Variants in NACA observed in about 807,000 individuals in gnomAD.
NACA encodes nascent polypeptide associated complex subunit alpha.
In NACA, 42 loss-of-function variants were observed where a neutral mutation model predicts 86.4. That is an observed-to-expected ratio of 0.49 (90% CI 0.38 to 0.63). NACA has a LOEUF of 0.63. NACA is among the 20% of genes least tolerant of loss of function. The probability of loss-of-function intolerance (pLI) is 0.00; values close to 1 mark genes in which losing one functional copy is unlikely to be tolerated. For synonymous variants in NACA, 898 were observed against 973.7 expected (o/e 0.92, Z 1.45); for missense variants, 2,157 against 2,483.6 (o/e 0.87, Z 2.80).
Position 56,719,886 on chromosome 12 carries a change from T to G in NACA, c.1644A>C (p.Gln548His). The change falls in exon 3 of 9, where the codon CAA (glutamine) becomes CAC (histidine). Residue 548 changes from glutamine to histidine, a missense_variant. Coordinates refer to ENST00000454682, the MANE Select transcript of NACA (RefSeq NM_001365896.1). ...SLEGAPFSPA[Q>H]AGLTTKKDPT... ...GGTCTTTCTTGGTGGTGAGTCCTGC[T>G]TGGGCTGGAGAGAAAGGGGCTCCTT... The G allele has an allele frequency of 6.2e-7, 1 of 1,613,794 alleles. No homozygotes were observed. Among genetic ancestry groups the G allele is most frequent in the Middle Eastern group, 1.6e-4 (1 of 6,062 alleles).
At chr12:56,715,802 T>C (rs1953338082) in intron 3 of NACA, 69 bp downstream of exon 3, 2 of 1,366,174 alleles carry the variant, frequency 1.5e-6, no homozygotes, top group Non-Finnish European at 2.0e-6. Context: ...GGGTTAGTAT[T>C]GGTGGGTAGC....
Position 56,719,801 on chromosome 12 carries a change from A to G in NACA, c.1729T>C (p.Ser577Pro). ...GAAAGAGGTATCTCTGGAGAAGAGGATGTACTTTGGAAAGAAGGGGAATTT... is the reference window on the plus strand; with the variant it reads ...GAAAGAGGTATCTCTGGAGAAGAGGGTGTACTTTGGAAAGAAGGGGAATTT... ...PKNSPSFQST[S>P]SSPEIPLSPE... is the part of the protein sequence containing the mutation. The change falls in exon 3 of 9, where the codon TCC becomes CCC. Residue 577 changes from serine (S) to proline (P), a missense_variant. Around this residue, in one of 8 missense-constraint regions of NACA, gnomAD observed 947 missense variants for 917.9 expected, o/e 1.03. Transcript: ENST00000454682. 6.2e-7 allele frequency: 1 copy of G among 1,613,322 alleles called. No homozygotes were observed. The highest frequency in any genetic ancestry group is 1.3e-5 in the African/African-American group (1 of 74,780).
In NACA at chr12:56,716,937, C is replaced by T. The variant is rs546721072; in HGVS notation, c.4593G>A (p.Ala1531=). Residue 1531 remains alanine (A), a synonymous_variant, in exon 3 of 9, where the codon GCG becomes GCA. Transcript: ENST00000454682. ...CTGGGGTCTTTTTAGAGAGAAGAGTCGCTGTTGGGGCAATGGGGTCCCTTC... is the reference window on the plus strand; with the variant it reads ...CTGGGGTCTTTTTAGAGAGAAGAGTTGCTGTTGGGGCAATGGGGTCCCTTC... ...SSRRDPIAPT[A]TLLSKKTPAT... is the part of the protein sequence containing the mutation. 7.0e-5 allele frequency: 91 copies of T among 1,291,272 alleles called. 1 individual carries two copies. The South Asian group carries it at 1.3e-3, about 18-fold the overall frequency. 80.0% of individuals were successfully genotyped at this position (1,291,272 alleles called of 1,614,324 possible).
At chr12:56,724,733 C>T in intron 1 of NACA, 1 of 555,000 alleles carries the variant, frequency 1.8e-6, no homozygotes. Context: ...ATTCCCACTG[C>T]ATTCTCAACC....
intron 2 of NACA, among the ~76,000 whole-genome samples, chr12:56,722,902 A>G (rs372706535): frequency 4.7e-5 from 7 of 147,436 alleles, no homozygotes; most frequent in African/African-American, 1.2e-4. Flanking sequence ...GGCGGGGGGG[A>G]AGCCCGTGGT....
chr12:56,721,596 G>T, intron 2 of NACA, 137 bp from the exon 3 acceptor site: 1 of 562,780 alleles, frequency 1.8e-6, no homozygotes, highest in Non-Finnish European at 3.0e-6. Context: ...CACCACGCAG[G>T]ATTAGATAAA....
rs548942275 is a variant in NACA at position 56,718,960 on chromosome 12, G to A, written c.2570C>T (p.Thr857Ile). The change falls in exon 3 of 9, where the codon ACT (threonine) becomes ATT (isoleucine). Residue 857 changes from threonine (T) to isoleucine (I), a missense_variant. Thr to Ile is a moderately conservative substitution (Grantham distance 89, BLOSUM62 -1). Transcript: ENST00000454682. ...AGGGGCCCCTTTGGGGGATGGAGGA[G>A]TGGGAGAATGCGTCGTGGCTGGTGA... ...KDSPATTHSPTPPSPKGAPTP... is the reference protein window; with the variant it reads ...KDSPATTHSPIPPSPKGAPTP... 15 of 1,447,216 alleles carry A rather than the reference G, an allele frequency of 1.0e-5. No homozygotes were observed. Among genetic ancestry groups the A allele is most frequent in the African/African-American group, 1.4e-5 (1 of 71,582 alleles). 89.6% of individuals were successfully genotyped at this position (1,447,216 alleles called of 1,614,324 possible). A position where few individuals can be genotyped will look rare whatever the true frequency, so the allele number is the denominator to read the frequency against.
chr12:56,721,128 T>C lies in NACA; in HGVS notation c.402A>G (p.Ser134=), dbSNP rs1339921094. The C allele has an allele frequency of 6.2e-7, 1 of 1,613,706 alleles. No homozygotes were observed. The highest frequency in any genetic ancestry group is 1.7e-5 in the Admixed American group (1 of 59,980). ...CCAGGGCAACCAGAGCTAAGGGAGC[T>C]GAAGAGGAAGGGGTCCCTTTCAGAG... ...APTLKGTPSS[S]APLALVALAP... The change falls in exon 3 of 9, where the codon TCA becomes TCG. Residue 134 remains serine, a synonymous_variant. Coordinates refer to ENST00000454682, the MANE Select transcript of NACA (RefSeq NM_001365896.1).
chr12:56,717,019 G>A lies in NACA; in HGVS notation c.4511C>T (p.Thr1504Ile). The A allele has an allele frequency of 7.8e-7, 1 of 1,281,562 alleles. No individual in the cohort carries two copies. The highest frequency in any genetic ancestry group is 3.1e-5 in the Admixed American group (1 of 31,916). 79.4% of individuals were successfully genotyped at this position (1,281,562 alleles called of 1,614,324 possible). A position where few individuals can be genotyped will look rare whatever the true frequency, so the allele number is the denominator to read the frequency against. Residue 1504 changes from threonine (T) to isoleucine (I), a missense_variant, in exon 3 of 9, where the codon ACT becomes ATT. Around this residue, in one of 8 missense-constraint regions of NACA, gnomAD observed 797 missense variants for 777.6 expected, o/e 1.02. Coordinates refer to ENST00000454682, the MANE Select transcript of NACA (RefSeq NM_001365896.1). ...GGAAGAAGGAATCACAGCTGGCAGA[G>A]TGGGGGCCCCCATGGGGGCTGGAGT... is the stretch of plus-strand genomic sequence containing the variant. ...PATPAPMGAP[T>I]LPAVIPSSPK... is the part of the protein sequence containing the mutation.
Position 56,713,662 on chromosome 12 carries a change from G to A in NACA, c.5845C>T (p.Arg1949Trp), listed in dbSNP as rs1565891491. Residue 1949 changes from arginine to tryptophan, a missense_variant, in exon 6 of 9, where the codon CGG (arginine) becomes TGG (tryptophan). Arg to Trp is a moderately radical substitution (Grantham distance 101). Transcript: ENST00000454682. ...ARKAMSKLGL[R>W]QVTGVTRVTI... ...ACTCTAGTAACTCCTGTAACCTGCC[G>A]AAGACCCAGTTTGGACATAGCCTAA... The A allele has an allele frequency of 3.7e-6, 6 of 1,613,904 alleles. No homozygotes were observed. Among genetic ancestry groups the A allele is most frequent in the African/African-American group, 2.7e-5 (2 of 74,894 alleles).
Position 56,716,320 on chromosome 12 carries a change from G to A in NACA, c.5210C>T (p.Pro1737Leu), listed in dbSNP as rs1953359290. Residue 1737 changes from proline (P) to leucine (L), a missense_variant, in exon 3 of 9, where the codon CCT (proline) becomes CTT (leucine). By Grantham distance (98) the Pro-to-Leu change is moderately conservative. Coordinates refer to ENST00000454682, the MANE Select transcript of NACA (RefSeq NM_001365896.1). ...KGPLSTVAPA[P>L]LLPVQKDSSK... ...AGAGTCTTTCTGAACAGGGAGTAGA[G>A]GGGCTGGAGCCACTGTGGAAAGGGG... is the stretch of plus-strand genomic sequence containing the variant. The A allele has an allele frequency of 6.2e-7, 1 of 1,612,762 alleles. No homozygotes were observed. Among genetic ancestry groups the A allele is most frequent in the African/African-American group, 1.3e-5 (1 of 74,918 alleles).
Position 56,717,050 on chromosome 12 carries a change from G to C in NACA, c.4480C>G (p.Pro1494Ala), listed in dbSNP as rs773156145. Reference protein sequence around the residue: ...VATSSSPKKAPATPAPMGAPT... With the variant: ...VATSSSPKKAAATPAPMGAPT... ...GCCCCCATGGGGGCTGGAGTTGCTG[G>C]GGCCTTTTTGGGAGAGGAAGAAGTG... The change falls in exon 3 of 9, where the codon CCA becomes GCA. Residue 1494 changes from proline to alanine, a missense_variant. Around this residue, in one of 8 missense-constraint regions of NACA, gnomAD observed 797 missense variants for 777.6 expected, o/e 1.02. Coordinates refer to ENST00000454682, the MANE Select transcript of NACA (RefSeq NM_001365896.1). 4 of 1,275,048 alleles carry C rather than the reference G, an allele frequency of 3.1e-6. No individual in the cohort carries two copies. The highest frequency in any genetic ancestry group is 7.6e-5 in the East Asian group (2 of 26,204). 79.0% of individuals were successfully genotyped at this position (1,275,048 alleles called of 1,614,324 possible).
chr12:56,712,449 A>G lies in NACA; in HGVS notation c.*89T>C, dbSNP rs567786563. The G allele has an allele frequency of 3.1e-5, 42 of 1,376,428 alleles. No individual in the cohort carries two copies. Among genetic ancestry groups the G allele is most frequent in the Non-Finnish European group, 4.0e-5 (39 of 982,098 alleles). 85.3% of individuals were successfully genotyped at this position (1,376,428 alleles called of 1,614,324 possible). A position where few individuals can be genotyped will look rare whatever the true frequency, so the allele number is the denominator to read the frequency against. The stretch of plus-strand genomic sequence containing the variant: ...GACTGAATTCATCCAACAAGAAGCC[A>G]TAACTTTATTTATGATAGAAACAGT... On this transcript the variant is annotated 3_prime_UTR_variant, in exon 9 of 9. Transcript: ENST00000454682.
chr12:56,713,842 CTTTATTT>C (rs746709271), intron 5 of NACA, 159 bp from the exon 6 acceptor site: 43 of 763,710 alleles, frequency 5.6e-5, no homozygotes, highest in East Asian at 5.4e-4. Context: ...ACTTCTGTTA[CTTTATTT>C]TTTATTTTTT....
At chr12:56,724,878 G>T in intron 1 of NACA, 1 of 252,768 alleles carries the variant, frequency 4.0e-6, no homozygotes, top group Non-Finnish European at 7.7e-6. Context: ...GGGGTACCAG[G>T]AGGGGAAAGA....
chr12:56,713,462 T>TC, intron 6 of NACA, 75 bp downstream of exon 6: 1 of 1,539,500 alleles, frequency 6.5e-7, no homozygotes, highest in Non-Finnish European at 8.9e-7. Context: ...CAGAGAACTA[T>TC]CTGACGCAAA....
intron 2 of NACA, 29 bp downstream of exon 2, chr12:56,724,423 T>C (rs750306017): frequency 1.9e-6 from 3 of 1,591,410 alleles, no homozygotes; most frequent in Non-Finnish European, 2.6e-6. Context: ...TTAATTTTAA[T>C]TAATGGCAAG....
chr12:56,720,361 CTAGAGATGG>C lies in NACA; in HGVS notation c.1160_1168del (p.Thr387_Ser389del). The stretch of plus-strand genomic sequence containing the variant: ...GGAGCCAGAAGGGCTGCAGGTTATG[CTAGAGATGG>C]TAGAGGGACCTTTGTCAACAGATGG... On this transcript the variant is annotated inframe_deletion, in exon 3 of 9. Transcript: ENST00000454682. 1 of 1,613,722 alleles carries C rather than the reference CTAGAGATGG, an allele frequency of 6.2e-7. No individual in the cohort carries two copies. Among genetic ancestry groups the C allele is most frequent in the Non-Finnish European group, 8.5e-7 (1 of 1,179,790 alleles).
In NACA at chr12:56,717,220, G is replaced by T; in HGVS notation, c.4310C>A (p.Ala1437Glu). Residue 1437 changes from alanine (A) to glutamate (E), a missense_variant, in exon 3 of 9, where the codon GCA (alanine) becomes GAA (glutamate). Physicochemically the swap from Ala to Glu is moderately radical, Grantham distance 107. Around this residue, in one of 8 missense-constraint regions of NACA, gnomAD observed 797 missense variants for 777.6 expected, o/e 1.02. Coordinates refer to ENST00000454682, the MANE Select transcript of NACA (RefSeq NM_001365896.1). ...TPSKGDLTPPAVTPVSLKKAP... is the reference protein window; with the variant it reads ...TPSKGDLTPPEVTPVSLKKAP... ...CTTTTTGAGGGAGACAGGAGTCACT[G>T]CTGGGGGAGTGAGATCTCCTTTGGA... 7.6e-7 allele frequency: 1 copy of T among 1,318,470 alleles called. No individual in the cohort carries two copies. The highest frequency in any genetic ancestry group is 9.9e-7 in the Non-Finnish European group (1 of 1,012,026). 81.7% of individuals were successfully genotyped at this position (1,318,470 alleles called of 1,614,324 possible).
Sources: gnomAD v4.1 joint callset for allele counts (sites outside exome capture counted in the v4.1 genomes callset) on GRCh38, gnomAD v4.1.1 for gene constraint, gnomAD v4.1.1 regional missense constraint, MANE v1.5 for transcripts, NCBI Gene and HGNC (gene_info 2026-07-23, HGNC 2026-07-21) for gene names.